The following UTRN variants were observed in gnomAD, a reference collection of about 807,000 sequenced individuals.
The protein encoded by UTRN is utrophin.
Under a neutral mutation model 463.9 loss-of-function variants are expected in UTRN, and 283 were observed. The ratio of observed to expected loss-of-function variants is 0.61; its 90% CI spans 0.55 to 0.67. The LOEUF is 0.67. UTRN is among the 30% of genes least tolerant of loss of function. The probability of loss-of-function intolerance (pLI) is 0.00; values close to 1 mark genes in which losing one functional copy is unlikely to be tolerated. For synonymous variants in UTRN, 1,442 were observed against 1,431.5 expected (o/e 1.01, Z -0.17); for missense variants, 3,922 against 4,084.3 (o/e 0.96, Z 1.08).
intron 51 of UTRN, among the ~76,000 whole-genome samples, chr6:144,578,863 CA>C (rs1801699401): frequency 6.6e-6 from 1 of 152,142 alleles, no homozygotes; most frequent in African/African-American, 2.4e-5. Flanking sequence ...TGAAAAAGAC[CA>C]TTTTGTAAAA....
At chr6:144,658,012 G>C (rs888201839) in intron 51 of UTRN, among the ~76,000 whole-genome samples, 3 of 152,128 alleles carry the variant, frequency 2.0e-5, no homozygotes, top group Non-Finnish European at 4.4e-5. Flanking sequence ...TTACAGACCA[G>C]GTTCCCTGTG....
intron 51 of UTRN, among the ~76,000 whole-genome samples, chr6:144,612,420 T>G (rs893030747): frequency 9.2e-5 from 14 of 151,988 alleles, no homozygotes; most frequent in African/African-American, 2.7e-4. Context: ...AGTGGAGAGA[T>G]AACCTACAGA....
chr6:144,608,781 C>CCTCT (rs71024900), intron 51 of UTRN, among the ~76,000 whole-genome samples: 81,505 of 151,566 alleles, frequency 0.54, 23,871 homozygotes, highest in East Asian at 0.85. Context: ...CCACACACGA[C>CCTCT]CTCTCTATGT....
chr6:144,572,874 T>C lies in UTRN; in HGVS notation c.7290-4225T>C, dbSNP rs548955462. Among the ~76,000 whole-genome samples, 18 of 152,334 alleles carry C rather than the reference T, an allele frequency of 1.2e-4. No homozygotes were observed. In the South Asian group the frequency reaches 3.7e-3, roughly 32 times the overall value. On this transcript the variant is annotated intron_variant, in intron 50 of 74. Coordinates refer to ENST00000367545, the MANE Select transcript of UTRN (RefSeq NM_007124.3). ...AGTAAACATACATGTGCATGTGTCTTTATAGTAGAATGATTTATAATCTTT... is the reference window on the plus strand; with the variant it reads ...AGTAAACATACATGTGCATGTGTCTCTATAGTAGAATGATTTATAATCTTT...
chr6:144,751,692 A>G (rs564382826), intron 55 of UTRN, 114 bp from the exon 56 acceptor site: 5 of 1,023,362 alleles, frequency 4.9e-6, no homozygotes, highest in East Asian at 3.1e-5. Flanking sequence ...TGGTTGAGAA[A>G]AATCTGTGCA....
chr6:144,666,403 A>T (rs1316358127), intron 51 of UTRN, among the ~76,000 whole-genome samples: 1 of 152,186 alleles, frequency 6.6e-6, no homozygotes, highest in East Asian at 1.9e-4. Flanking sequence ...CCAATTTTTC[A>T]ATTGTTTGGT....
chr6:144,732,239 CATATATATATATATATAT>C (rs71810800), intron 54 of UTRN, among the ~76,000 whole-genome samples: 29 of 116,048 alleles, frequency 2.5e-4, no homozygotes, highest in Admixed American at 1.4e-3. Context: ...TATATATATA[CATATATATATATATATAT>C]ACACACATAT....
chr6:144,513,031 TC>T (rs1350949313), intron 35 of UTRN, among the ~76,000 whole-genome samples: 2 of 152,214 alleles, frequency 1.3e-5, no homozygotes, highest in Non-Finnish European at 2.9e-5. Context: ...TAACTGTTTT[TC>T]CCAGTCATAA....
chr6:144,302,095 A>G (rs1234285119), intron 2 of UTRN, among the ~76,000 whole-genome samples: 1 of 152,038 alleles, frequency 6.6e-6, no homozygotes, highest in Non-Finnish European at 1.5e-5. Flanking sequence ...AATCTTTCCC[A>G]CGTGTTCACT....
At chr6:144,778,606 T>TAAC (rs1179084776) in intron 60 of UTRN, among the ~76,000 whole-genome samples, 4 of 128,440 alleles carry the variant, frequency 3.1e-5, no homozygotes, top group Admixed American at 2.2e-4. Flanking sequence ...GGGGAAATGC[T>TAAC]AATAATAATA....
At chr6:144,480,833 A>AT (rs1336387990) in intron 26 of UTRN, among the ~76,000 whole-genome samples, 3 of 152,100 alleles carry the variant, frequency 2.0e-5, no homozygotes, top group Non-Finnish European at 2.9e-5. Context: ...AAAATCTGTG[A>AT]TTTTTTTCAA....
chr6:144,359,711 C>T (rs1190870958), intron 2 of UTRN, among the ~76,000 whole-genome samples: 1 of 150,118 alleles, frequency 6.7e-6, no homozygotes, highest in Non-Finnish European at 1.5e-5. Flanking sequence ...AAACCTTTGT[C>T]TACGCATCGT....
chr6:144,698,869 G>A (rs577611255), intron 52 of UTRN, among the ~76,000 whole-genome samples: 129 of 152,222 alleles, frequency 8.5e-4, no homozygotes, highest in African/African-American at 2.9e-3. Flanking sequence ...GTGCATTTCT[G>A]TGTTAAATGC....
chr6:144,522,734 C>G (rs1228422503), intron 40 of UTRN, among the ~76,000 whole-genome samples: 3 of 151,968 alleles, frequency 2.0e-5, no homozygotes, highest in African/African-American at 7.3e-5. Context: ...GCCTCATTAC[C>G]TATAGAGAAT....
At chr6:144,466,492 G>A (rs530600761) in intron 23 of UTRN, among the ~76,000 whole-genome samples, 1 of 152,172 alleles carries the variant, frequency 6.6e-6, no homozygotes, top group South Asian at 2.1e-4. Flanking sequence ...TTTTATTTGT[G>A]CCATGCCAAA....
At chr6:144,754,841 T>A (rs1230983960) in intron 57 of UTRN, 43 bp downstream of exon 57, 2 of 1,564,798 alleles carry the variant, frequency 1.3e-6, no homozygotes, top group Non-Finnish European at 1.8e-6. Flanking sequence ...ATTGAATGAA[T>A]TAGCATTTTC....
intron 2 of UTRN, among the ~76,000 whole-genome samples, chr6:144,370,683 C>T (rs1779904070): frequency 6.6e-6 from 1 of 152,152 alleles, no homozygotes; most frequent in Admixed American, 6.5e-5. Context: ...CATCGTGCAC[C>T]TGGAAAAGCC....
chr6:144,454,623 AT>A (rs2128558666), intron 19 of UTRN, among the ~76,000 whole-genome samples: 1 of 152,264 alleles, frequency 6.6e-6, no homozygotes, highest in Non-Finnish European at 1.5e-5. Flanking sequence ...AAGCAGTAGC[AT>A]TTAATTTTTT....
intron 66 of UTRN, among the ~76,000 whole-genome samples, 190 bp from the exon 67 acceptor site, chr6:144,827,158 A>T (rs545883092): frequency 1.3e-5 from 2 of 152,294 alleles, no homozygotes; most frequent in East Asian, 1.9e-4. Flanking sequence ...CAGACTCTTG[A>T]ATACACGGCG....
Sources: allele counts gnomAD v4.1 joint callset (sites outside exome capture counted in the v4.1 genomes callset), GRCh38; gene constraint gnomAD v4.1.1; transcripts MANE v1.5; gene names NCBI Gene and HGNC (gene_info 2026-07-23, HGNC 2026-07-21).